The following FLNB variants were observed in gnomAD, a reference collection of about 807,000 sequenced individuals.
FLNB encodes filamin B.
A neutral mutation model predicts 250.6 loss-of-function variants in FLNB; 111 were observed. That is an observed-to-expected ratio of 0.44 (90% CI 0.38 to 0.52). The LOEUF is 0.52. FLNB is among the 20% of genes least tolerant of loss of function. The probability of loss-of-function intolerance (pLI) is 0.00; values close to 1 mark genes in which losing one functional copy is unlikely to be tolerated. For synonymous variants in FLNB, 1,302 were observed against 1,372.1 expected (o/e 0.95, Z 1.13); for missense variants, 2,869 against 3,447.8 (o/e 0.83, Z 4.20).
intron 42 of FLNB, among the ~76,000 whole-genome samples, chr3:58,162,311 G>A (rs1400417335): frequency 1.3e-5 from 2 of 152,098 alleles, no homozygotes; most frequent in African/African-American, 4.8e-5. Flanking sequence ...TGGGCAGGAG[G>A]GCTTCAAGGA....
intron 33 of FLNB, among the ~76,000 whole-genome samples, chr3:58,146,380 T>C (rs1176511874): frequency 1.3e-5 from 2 of 152,220 alleles, no homozygotes; most frequent in Non-Finnish European, 2.9e-5. Context: ...TGAGTGGCTC[T>C]TTTTGATAAA....
intron 1 of FLNB, among the ~76,000 whole-genome samples, chr3:58,062,565 A>G (rs546188830): frequency 6.6e-6 from 1 of 152,194 alleles, no homozygotes; most frequent in Admixed American, 6.5e-5. Context: ...CTTCAAATTG[A>G]ATTTACGGAC....
At position 58,132,973 on chromosome 3, in the gene FLNB, A is replaced by G. The variant is rs12638356; in HGVS notation, c.4514+42A>G. On this transcript the variant is annotated intron_variant, in intron 26 of 45. Coordinates refer to ENST00000295956, the MANE Select transcript of FLNB (RefSeq NM_001457.4). The stretch of plus-strand genomic sequence containing the variant: ...TGCCCATCCATTCCTCCATCAGTCT[A>G]TCTGTCCACCCATCCATTCCTCCAT... 492,024 of 1,585,148 alleles carry G rather than the reference A, an allele frequency of 0.31. 93,072 individuals carry two copies. The highest frequency in any genetic ancestry group is 0.93 in the East Asian group (40,666 of 43,864).
intron 1 of FLNB, among the ~76,000 whole-genome samples, chr3:58,020,687 T>G (rs1232255770): frequency 1.4e-5 from 2 of 146,480 alleles, no homozygotes; most frequent in East Asian, 4.0e-4. Context: ...GCCTTTACCA[T>G]GCCAGACAAG....
At chr3:58,123,732 G>A in intron 21 of FLNB, 42 bp downstream of exon 21, 1 of 1,377,772 alleles carries the variant, frequency 7.3e-7, no homozygotes, top group Admixed American at 1.9e-5. Context: ...AAAAAGACAA[G>A]CTGGGACTTA....
intron 1 of FLNB, among the ~76,000 whole-genome samples, chr3:58,064,039 C>A (rs1195849603): frequency 6.6e-6 from 1 of 152,030 alleles, no homozygotes; most frequent in Non-Finnish European, 1.5e-5. Context: ...ATAATAACGC[C>A]ATTATCTCTT....
chr3:58,078,268 T>TA, intron 2 of FLNB: 1 of 1,411,650 alleles, frequency 7.1e-7, no homozygotes, highest in African/African-American at 1.4e-5. Flanking sequence ...TCTAGTCCTT[T>TA]ACCTCATGTG....
chr3:58,033,447 G>T (rs1236505508), intron 1 of FLNB, among the ~76,000 whole-genome samples: 1 of 151,590 alleles, frequency 6.6e-6, no homozygotes, highest in East Asian at 1.9e-4. Flanking sequence ...CTGGAGTGCA[G>T]TGGTGCGACC....
chr3:58,153,775 C>CT, intron 39 of FLNB, 134 bp downstream of exon 39: 1 of 1,043,586 alleles, frequency 9.6e-7, no homozygotes, highest in East Asian at 2.6e-5. Context: ...TTATTTAAAA[C>CT]AAGGCATCAT....
intron 29 of FLNB, among the ~76,000 whole-genome samples, chr3:58,140,918 C>A (rs918117903): frequency 6.6e-6 from 1 of 152,090 alleles, no homozygotes; most frequent in Non-Finnish European, 1.5e-5. Flanking sequence ...AGCATTAAAG[C>A]TAAGATTTGT....
chr3:58,093,375 A>G (rs2097231592), intron 4 of FLNB, among the ~76,000 whole-genome samples: 1 of 152,186 alleles, frequency 6.6e-6, no homozygotes, highest in African/African-American at 2.4e-5. Context: ...CGTAGGCGTG[A>G]TTGACATTAA....
chr3:58,020,584 C>T, intron 1 of FLNB, among the ~76,000 whole-genome samples: 1 of 152,136 alleles, frequency 6.6e-6, no homozygotes, highest in Non-Finnish European at 1.5e-5. Context: ...TCTGAAGGCC[C>T]TTTATGCTGG....
rs1483822097 is a variant in FLNB at position 58,168,436 on chromosome 3, C to T, written c.7199-4C>T. 1 of 1,611,120 alleles carries T rather than the reference C, an allele frequency of 6.2e-7. No homozygotes were observed. The highest frequency in any genetic ancestry group is 8.5e-7 in the Non-Finnish European group (1 of 1,177,390). ...ACACAGCATTTTCTATTCCTTTCTC[C>T]CAGGTATCCAGTCGGAATTCTTTAT... On this transcript the variant is annotated splice_region_variant and splice_polypyrimidine_tract_variant and intron_variant, in intron 43 of 45. Transcript: ENST00000295956.
At chr3:58,113,303 T>A (rs2097272177) in intron 18 of FLNB, among the ~76,000 whole-genome samples, 1 of 152,230 alleles carries the variant, frequency 6.6e-6, no homozygotes, top group Non-Finnish European at 1.5e-5. Context: ...GAAGTGGTTG[T>A]TCCAAGCCTC....
chr3:58,134,099 G>A (rs529121286), intron 26 of FLNB, among the ~76,000 whole-genome samples: 3 of 152,316 alleles, frequency 2.0e-5, no homozygotes, highest in East Asian at 1.9e-4. Context: ...CCCTTGGAGC[G>A]TGGACTGGTG....
intron 1 of FLNB, among the ~76,000 whole-genome samples, chr3:58,062,276 C>G (rs2097179817): frequency 6.6e-6 from 1 of 152,170 alleles, no homozygotes; most frequent in Non-Finnish European, 1.5e-5. Flanking sequence ...TTGTACAATT[C>G]ATACTTTTCT....
chr3:58,134,467 G>T, intron 26 of FLNB, 149 bp from the exon 27 acceptor site: 1 of 915,270 alleles, frequency 1.1e-6, no homozygotes, highest in East Asian at 2.4e-5. Context: ...GTAAATTTCT[G>T]CTAGACTTAG....
rs1448151813 is a variant in FLNB, at chr3:58,106,567, A to G, written c.1748-113A>G. Reference sequence around the variant, plus strand: ...AAGAAAGGGATACAAACAGATTTCAATCTTCTGGCCAACACTTGGCTTTTA... The same window carrying G: ...AAGAAAGGGATACAAACAGATTTCAGTCTTCTGGCCAACACTTGGCTTTTA... On this transcript the variant is annotated intron_variant, in intron 11 of 45. Transcript: ENST00000295956. 1.2e-5 allele frequency: 12 copies of G among 972,796 alleles called. No individual in the cohort carries two copies. The East Asian group carries it at 1.3e-4, about 10-fold the overall frequency. The allele number at this position is 972,796 out of a possible 1,614,324, so 60.3% of individuals were successfully genotyped here. A position where few individuals can be genotyped will look rare whatever the true frequency, so the allele number is the denominator to read the frequency against.
chr3:58,089,342 C>T (rs909014385), intron 4 of FLNB, among the ~76,000 whole-genome samples: 22 of 152,052 alleles, frequency 1.4e-4, no homozygotes, highest in Admixed American at 9.8e-4. Context: ...GTCAGGAATT[C>T]GATACCAGCC....
Sources: allele counts gnomAD v4.1 joint callset (sites outside exome capture counted in the v4.1 genomes callset), GRCh38; gene constraint gnomAD v4.1.1; transcripts MANE v1.5; gene names NCBI Gene and HGNC (gene_info 2026-07-23, HGNC 2026-07-21).